The following SLC13A1 variants were observed in gnomAD, a reference collection of about 807,000 sequenced individuals.
SLC13A1 encodes solute carrier family 13 member 1.
In SLC13A1, 65 loss-of-function variants were observed where a neutral mutation model predicts 70.0. The observed-to-expected ratio is 0.93, with a 90% confidence interval of 0.76 to 1.14. The LOEUF (loss-of-function observed/expected upper bound fraction) is 1.14, where lower values mean the gene tolerates loss of function less well. Among genes scored for constraint, SLC13A1 ranks in the 50% most tolerant of loss-of-function variants. The pLI is 0.00. For missense variants in SLC13A1, 726 were observed against 717.8 expected, an observed-to-expected ratio of 1.01 and a Z score of -0.13; for synonymous variants, 275 against 250.5, an observed-to-expected ratio of 1.10 and a Z score of -0.92.
chr7:123,129,113 C>T (rs111889334), intron 9 of SLC13A1, among the ~76,000 whole-genome samples, 167 bp from the exon 10 acceptor site: 1 of 152,010 alleles, frequency 6.6e-6, no homozygotes, highest in African/African-American at 2.4e-5. Flanking sequence ...AGCCCTTTCT[C>T]CTCTTTGGGG....
intron 1 of SLC13A1, chr7:123,186,691 C>A (rs1033833536): frequency 6.0e-5 from 27 of 453,716 alleles, no homozygotes; most frequent in African/African-American, 4.6e-4. Flanking sequence ...TCCCCCACAA[C>A]CTACCCCCAA....
intron 6 of SLC13A1, among the ~76,000 whole-genome samples, chr7:123,150,941 A>C (rs1794532486): frequency 6.6e-6 from 1 of 151,928 alleles, no homozygotes; most frequent in African/African-American, 2.4e-5. Context: ...ATTTTTATTG[A>C]TTTAATGACT....
chr7:123,125,784 G>T (rs1585293116), intron 10 of SLC13A1, 109 bp from the exon 11 acceptor site: 1 of 739,118 alleles, frequency 1.4e-6, no homozygotes, highest in Non-Finnish European at 2.4e-6. Context: ...TCAGTAGTAG[G>T]TGGTGTAGGT....
At chr7:123,137,583 A>C (rs1048918310) in intron 7 of SLC13A1, among the ~76,000 whole-genome samples, 1 of 152,148 alleles carries the variant, frequency 6.6e-6, no homozygotes, top group Non-Finnish European at 1.5e-5. Flanking sequence ...AGCCAGCAAG[A>C]AAATGGACAC....
At chr7:123,189,064 G>A (rs1298354994) in intron 1 of SLC13A1, among the ~76,000 whole-genome samples, 14 of 129,670 alleles carry the variant, frequency 1.1e-4, no homozygotes, top group Admixed American at 1.8e-4. Flanking sequence ...GCAGTGAGCC[G>A]AGATCCCGCC....
intron 8 of SLC13A1, among the ~76,000 whole-genome samples, chr7:123,130,467 G>A (rs893587580): frequency 6.6e-6 from 1 of 152,104 alleles, no homozygotes; most frequent in African/African-American, 2.4e-5. Flanking sequence ...CACAGTAACA[G>A]AAAACCAAAC....
At chr7:123,193,329 C>A (rs944446567) in intron 1 of SLC13A1, among the ~76,000 whole-genome samples, 2 of 151,932 alleles carry the variant, frequency 1.3e-5, no homozygotes, top group Non-Finnish European at 2.9e-5. Context: ...AAAAATCAGC[C>A]AAGGGTAGCA....
chr7:123,152,175 A>G (rs1221619463), intron 6 of SLC13A1, among the ~76,000 whole-genome samples: 1 of 152,172 alleles, frequency 6.6e-6, no homozygotes, highest in Non-Finnish European at 1.5e-5. Context: ...ATAGGCAAGA[A>G]TTAATGCAAG....
At chr7:123,126,156 T>C (rs556778697) in intron 10 of SLC13A1, among the ~76,000 whole-genome samples, 1 of 152,214 alleles carries the variant, frequency 6.6e-6, no homozygotes, top group South Asian at 2.1e-4. Flanking sequence ...CTATAAATTG[T>C]GAAAAGGAAT....
chr7:123,149,184 T>C (rs1196116431), intron 6 of SLC13A1, among the ~76,000 whole-genome samples: 1 of 152,116 alleles, frequency 6.6e-6, no homozygotes, highest in East Asian at 1.9e-4. Flanking sequence ...AAATCCCTTC[T>C]GGAGGAAGTT....
At chr7:123,135,883 T>A (rs1362161781) in intron 7 of SLC13A1, among the ~76,000 whole-genome samples, 1 of 152,204 alleles carries the variant, frequency 6.6e-6, no homozygotes, top group Non-Finnish European at 1.5e-5. Flanking sequence ...CAAATGATAA[T>A]TAAAGATGTT....
At chr7:123,151,063 C>G (rs895608031) in intron 6 of SLC13A1, among the ~76,000 whole-genome samples, 3 of 152,022 alleles carry the variant, frequency 2.0e-5, no homozygotes, top group African/African-American at 4.8e-5. Flanking sequence ...GTGGCTCATT[C>G]CTGGAATCTC....
intron 8 of SLC13A1, among the ~76,000 whole-genome samples, chr7:123,131,345 A>G (rs1793753109): frequency 6.6e-6 from 1 of 152,192 alleles, no homozygotes; most frequent in Non-Finnish European, 1.5e-5. Context: ...CATAGTAAAG[A>G]AGGAGATGAG....
At chr7:123,178,033 CTATA>C (rs1554553496) in intron 2 of SLC13A1, among the ~76,000 whole-genome samples, 17 of 149,952 alleles carry the variant, frequency 1.1e-4, no homozygotes, top group Non-Finnish European at 2.4e-4. Flanking sequence ...CTCTCTCTCT[CTATA>C]TATATATATA....
At position 123,148,118 on chromosome 7, in the gene SLC13A1, A is replaced by G. The variant is rs116341613; in HGVS notation, c.661-808T>C. 1.4e-3 allele frequency among the ~76,000 whole-genome samples: 214 copies of G among 152,158 alleles called. 2 individuals carry two copies. The highest frequency in any genetic ancestry group is 5.0e-3 in the African/African-American group (208 of 41,506). On this transcript the variant is annotated intron_variant, in intron 6 of 14. Transcript: ENST00000194130. ...ATTCCAGAACATTAATCCTCCACTCACACAAAAAATAAATCCATTTTTTTT... is the reference window on the plus strand; with the variant it reads ...ATTCCAGAACATTAATCCTCCACTCGCACAAAAAATAAATCCATTTTTTTT...
chr7:123,147,388 C>T (rs551950844), intron 6 of SLC13A1, 78 bp from the exon 7 acceptor site: 123 of 1,488,902 alleles, frequency 8.3e-5, no homozygotes, highest in Admixed American at 3.7e-4. Flanking sequence ...TCCCACCACC[C>T]GCACCAATTC....
intron 6 of SLC13A1, among the ~76,000 whole-genome samples, chr7:123,151,960 G>A (rs1346043136): frequency 7.9e-5 from 12 of 152,022 alleles, no homozygotes; most frequent in African/African-American, 2.9e-4. Flanking sequence ...AGATCTTCTT[G>A]CATCAACTCT....
intron 6 of SLC13A1, among the ~76,000 whole-genome samples, chr7:123,156,056 T>G (rs1010321524): frequency 6.6e-6 from 1 of 151,508 alleles, no homozygotes; most frequent in Non-Finnish European, 1.5e-5. Flanking sequence ...ACAAGCAATT[T>G]TTTCTTCCTC....
At chr7:123,153,083 A>T (rs903071353) in intron 6 of SLC13A1, among the ~76,000 whole-genome samples, 1 of 152,082 alleles carries the variant, frequency 6.6e-6, no homozygotes, top group Non-Finnish European at 1.5e-5. Context: ...TAAAGAAAAA[A>T]TTGGATTTCA....
Sources: gnomAD v4.1 joint callset for allele counts (sites outside exome capture counted in the v4.1 genomes callset) on GRCh38, gnomAD v4.1.1 for gene constraint, MANE v1.5 for transcripts, NCBI Gene and HGNC (gene_info 2026-07-23, HGNC 2026-07-21) for gene names.